The following PHYHD1 variants were observed in gnomAD, a reference collection of about 807,000 sequenced individuals.
PHYHD1 encodes the protein phytanoyl-CoA dioxygenase domain-containing protein 1.
In PHYHD1, 42 loss-of-function variants were observed where a neutral mutation model predicts 43.6. The observed-to-expected ratio is 0.96, with a 90% CI of 0.75 to 1.25. The LOEUF (loss-of-function observed/expected upper bound fraction) is 1.25, where lower values mean the gene tolerates loss of function less well. PHYHD1 is among the 50% of genes most tolerant of loss of function. The probability of loss-of-function intolerance (pLI) is 0.00; values close to 1 mark genes in which losing one functional copy is unlikely to be tolerated. For synonymous variants in PHYHD1, 139 were observed against 143.6 expected (o/e 0.97, Z 0.23); for missense variants, 342 against 370.8 (o/e 0.92, Z 0.64).
intron 3 of PHYHD1, among the ~76,000 whole-genome samples, chr9:128,922,936 C>CT (rs59238657): frequency 0.039 from 3,554 of 90,398 alleles, 93 homozygotes; most frequent in African/African-American, 0.047. Flanking sequence ...ATGCCCAGCT[C>CT]TTTTTTTTTT....
chr9:128,933,894 T>C (rs1473612203), intron 5 of PHYHD1, 37 bp downstream of exon 5: 3 of 1,608,818 alleles, frequency 1.9e-6, no homozygotes, highest in South Asian at 1.1e-5. Flanking sequence ...GGAGGAGCCA[T>C]GGTGAGGGTA....
At chr9:128,938,302 T>C (rs1471234403) in intron 9 of PHYHD1, among the ~76,000 whole-genome samples, 2 of 151,936 alleles carry the variant, frequency 1.3e-5, no homozygotes, top group African/African-American at 4.8e-5. Flanking sequence ...AGTGAGACTC[T>C]GTCTCAAAAC....
chr9:128,936,246 A>T (rs1305538470), intron 6 of PHYHD1, among the ~76,000 whole-genome samples: 2 of 151,894 alleles, frequency 1.3e-5, no homozygotes, highest in African/African-American at 4.8e-5. Context: ...GAAGGTCAAG[A>T]ATAAGGGCAT....
At chr9:128,929,500 C>T (rs370385533) in intron 4 of PHYHD1, among the ~76,000 whole-genome samples, 1 of 151,132 alleles carries the variant, frequency 6.6e-6, no homozygotes, top group African/African-American at 2.4e-5. Flanking sequence ...TGGTGAAACC[C>T]GGTCTCTACC....
Position 128,933,789 on chromosome 9 carries a change from C to G in PHYHD1, c.200C>G (p.Thr67Arg), listed in dbSNP as rs536921247. 1.2e-6 allele frequency: 2 copies of G among 1,614,164 alleles called. No individual in the cohort carries two copies. Among genetic ancestry groups the G allele is most frequent in the Admixed American group, 3.3e-5 (2 of 60,012 alleles). The stretch of plus-strand genomic sequence containing the variant: ...GATGTCCCCTTTCCACAGGGCAGCA[C>G]AGACTATTTCTTGAGCAGTGGTGAC... ...EEEQLRAQGS[T>R]DYFLSSGDKI... Residue 67 changes from threonine (T) to arginine (R), a missense_variant, in exon 5 of 13, where the codon ACA becomes AGA. Physicochemically the swap from Thr to Arg is moderately conservative, Grantham distance 71. Coordinates refer to ENST00000372592, the MANE Select transcript of PHYHD1 (RefSeq NM_001100876.2).
At chr9:128,934,636 C>T (rs59893705) in intron 6 of PHYHD1, among the ~76,000 whole-genome samples, 4,450 of 151,676 alleles carry the variant, frequency 0.029, 220 homozygotes, top group African/African-American at 0.1. Flanking sequence ...AATATGGTTG[C>T]GCATGCCTGT....
At chr9:128,933,929 T>C (rs1443244990) in intron 5 of PHYHD1, 72 bp downstream of exon 5, 4 of 1,605,010 alleles carry the variant, frequency 2.5e-6, no homozygotes, top group East Asian at 2.2e-5. Context: ...ATCTGCCCCC[T>C]GGGCTGGAAG....
At chr9:128,937,734 C>A (rs766267444) in intron 8 of PHYHD1, 23 bp from the exon 9 acceptor site, 7 of 1,613,798 alleles carry the variant, frequency 4.3e-6, no homozygotes, top group Non-Finnish European at 5.9e-6. Flanking sequence ...CTGTCCTCAC[C>A]AGGCTTTTCC....
At chr9:128,934,081 A>G in intron 6 of PHYHD1, 23 bp downstream of exon 6, 1 of 1,609,880 alleles carries the variant, frequency 6.2e-7, no homozygotes, top group Non-Finnish European at 8.5e-7. Flanking sequence ...TTGGGGGTAC[A>G]GGAAAGAAGA....
chr9:128,937,701 G>A (rs773987562), intron 8 of PHYHD1, 56 bp from the exon 9 acceptor site: 2 of 1,608,036 alleles, frequency 1.2e-6, no homozygotes, highest in African/African-American at 2.7e-5. Context: ...GTCTCAGCAA[G>A]CCCAGCTCCT....
intron 3 of PHYHD1, 93 bp from the exon 4 acceptor site, chr9:128,926,937 AAGATACCT>A: frequency 1.3e-6 from 2 of 1,534,300 alleles, no homozygotes; most frequent in Non-Finnish European, 1.8e-6. Context: ...GGCAGCAAAC[AAGATACCT>A]GGTCCCACCT....
At chr9:128,927,290 G>T (rs545247774) in intron 4 of PHYHD1, 94 bp downstream of exon 4, 1 of 1,513,742 alleles carries the variant, frequency 6.6e-7, no homozygotes, top group Non-Finnish European at 9.0e-7. Context: ...GGATCCCAAG[G>T]CTCCAGGGTG....
At chr9:128,928,093 C>T (rs1841182056) in intron 4 of PHYHD1, among the ~76,000 whole-genome samples, 1 of 152,174 alleles carries the variant, frequency 6.6e-6, no homozygotes, top group Middle Eastern at 3.4e-3. Flanking sequence ...GCACTCACGC[C>T]GAGGAGCACC....
intron 3 of PHYHD1, among the ~76,000 whole-genome samples, chr9:128,923,126 TAG>T (rs2131092807): frequency 6.6e-6 from 1 of 152,308 alleles, no homozygotes; most frequent in East Asian, 1.9e-4. Flanking sequence ...GTATTTTTAG[TAG>T]AGACAGGATT....
chr9:128,926,942 A>G, intron 3 of PHYHD1, 96 bp from the exon 4 acceptor site: 2 of 1,548,256 alleles, frequency 1.3e-6, no homozygotes, highest in Non-Finnish European at 8.9e-7. Flanking sequence ...CAAACAAGAT[A>G]CCTGGTCCCA....
chr9:128,942,005 G>T lies in PHYHD1; in HGVS notation c.*292G>T. ...CAGATGGAACTCTGGTTATTATGGT[G>T]TTAGTTATCGAATAAAAACGACTTC... On this transcript the variant is annotated 3_prime_UTR_variant, in exon 13 of 13. Coordinates refer to ENST00000372592, the MANE Select transcript of PHYHD1 (RefSeq NM_001100876.2). 1.1e-5 allele frequency: 5 copies of T among 468,812 alleles called. No individual in the cohort carries two copies. Among genetic ancestry groups the T allele is most frequent in the East Asian group, 3.4e-5 (1 of 29,368 alleles). The allele number at this position is 468,812 out of a possible 1,614,324, so 29.0% of individuals were successfully genotyped here.
chr9:128,924,048 G>A (rs1201424365), intron 3 of PHYHD1, among the ~76,000 whole-genome samples: 1 of 152,120 alleles, frequency 6.6e-6, no homozygotes, highest in African/African-American at 2.4e-5. Context: ...GAACCCCGAA[G>A]GCAGAGTTTG....
chr9:128,939,442 GGT>G (rs1564543119), intron 9 of PHYHD1, among the ~76,000 whole-genome samples: 1 of 122,970 alleles, frequency 8.1e-6, no homozygotes, highest in Non-Finnish European at 1.9e-5. Flanking sequence ...AGCTGGGCGT[GGT>G]GTCAGGCACC....
intron 4 of PHYHD1, among the ~76,000 whole-genome samples, chr9:128,929,955 C>A (rs1394868130): frequency 1.3e-5 from 2 of 150,448 alleles, no homozygotes; most frequent in Non-Finnish European, 3.0e-5. Context: ...TGGTGAAACC[C>A]TGTCTCTACA....
Sources: allele counts gnomAD v4.1 joint callset (sites outside exome capture counted in the v4.1 genomes callset), GRCh38; gene constraint gnomAD v4.1.1; transcripts MANE v1.5; gene names NCBI Gene and HGNC (gene_info 2026-07-23, HGNC 2026-07-21).